TIAM2: variants seen among roughly 807,000 people sequenced by gnomAD.
The protein encoded by TIAM2 is TIAM Rac1 associated GEF 2.
Under a neutral mutation model 152.9 loss-of-function variants are expected in TIAM2, and 80 were observed. The ratio of observed to expected loss-of-function variants is 0.52; its 90% CI spans 0.44 to 0.63. The LOEUF (loss-of-function observed/expected upper bound fraction) is 0.63. TIAM2 is among the 30% of genes least tolerant of loss of function. The pLI, the probability that TIAM2 is intolerant of heterozygous loss-of-function variation, is 0.00. For missense variants in TIAM2, 1,965 were observed against 2,120.1 expected, an observed-to-expected ratio of 0.93 and a Z score of 1.44; for synonymous variants, 804 against 838.0, an observed-to-expected ratio of 0.96 and a Z score of 0.70.
intron 1 of TIAM2, among the ~76,000 whole-genome samples, chr6:155,050,859 T>C (rs1013861696): frequency 6.6e-6 from 1 of 152,256 alleles, no homozygotes; most frequent in African/African-American, 2.4e-5. Flanking sequence ...CTAGTCAGTC[T>C]TGCTGCCTGG....
chr6:155,256,289 C>G (rs1437620958), intron 26 of TIAM2, 195 bp from the exon 27 acceptor site: 1 of 759,264 alleles, frequency 1.3e-6, no homozygotes, highest in East Asian at 2.7e-5. Context: ...GCCTAACTTA[C>G]AACTGTAAAC....
chr6:155,110,758 T>A (rs1375087284), intron 2 of TIAM2, among the ~76,000 whole-genome samples: 1 of 152,176 alleles, frequency 6.6e-6, no homozygotes, highest in Non-Finnish European at 1.5e-5. Context: ...GTAAGGCACT[T>A]TTGGAAAAGT....
intron 2 of TIAM2, among the ~76,000 whole-genome samples, chr6:155,123,826 C>G (rs554046736): frequency 6.6e-6 from 1 of 152,174 alleles, no homozygotes; most frequent in Non-Finnish European, 1.5e-5. Flanking sequence ...AGTGTCTTCG[C>G]TGGACCTTGG....
At chr6:155,251,856 G>C (rs937772289) in intron 22 of TIAM2, 89 bp from the exon 23 acceptor site, 2 of 1,007,516 alleles carry the variant, frequency 2.0e-6, no homozygotes, top group African/African-American at 3.3e-5. Flanking sequence ...CGTTTGGAGA[G>C]TGTTACTCTG....
intron 6 of TIAM2, among the ~76,000 whole-genome samples, chr6:155,145,548 T>C (rs1162165554): frequency 6.6e-6 from 1 of 152,166 alleles, no homozygotes; most frequent in Admixed American, 6.6e-5. Context: ...GTGATTAATA[T>C]TAATTCAGAA....
At chr6:155,253,926 A>C in intron 24 of TIAM2, 47 bp from the exon 25 acceptor site, 2 of 1,506,596 alleles carry the variant, frequency 1.3e-6, no homozygotes, top group Non-Finnish European at 1.8e-6. Flanking sequence ...TAACCACAGC[A>C]TTTTGGGCAA....
chr6:155,043,824 AC>A (rs1394095058), intron 1 of TIAM2, among the ~76,000 whole-genome samples: 1 of 151,926 alleles, frequency 6.6e-6, no homozygotes, highest in Non-Finnish European at 1.5e-5. Context: ...CTACTTAGTT[AC>A]AAGCGGGGAC....
chr6:155,095,669 G>A (rs1294236215), intron 2 of TIAM2, among the ~76,000 whole-genome samples: 1 of 152,136 alleles, frequency 6.6e-6, no homozygotes, highest in East Asian at 1.9e-4. Context: ...GGAAGGTTGG[G>A]CTAGATAGAT....
At chr6:155,100,340 C>T (rs938205946) in intron 2 of TIAM2, among the ~76,000 whole-genome samples, 15 of 152,250 alleles carry the variant, frequency 9.9e-5, no homozygotes, top group African/African-American at 3.6e-4. Flanking sequence ...TTGAAGATGC[C>T]GGCTTGGAAT....
At position 155,182,285 on chromosome 6, in the gene TIAM2, G is replaced by A. The variant is rs1192775905; in HGVS notation, c.2767G>A (p.Asp923Asn). ...GCATCTCAGCCGGATATTTATAAGC[G>A]ACGTTCTTCCCGATGGCCTGGCGTA... ...RQHLSRIFISDVLPDGLAYGE... is the reference protein window; with the variant it reads ...RQHLSRIFISNVLPDGLAYGE... Residue 923 changes from aspartate (D) to asparagine (N), a missense_variant, in exon 13 of 27, where the codon GAC (aspartate) becomes AAC (asparagine). Around this residue, in one of 3 missense-constraint regions of TIAM2, gnomAD observed 935 missense variants for 980.0 expected, o/e 0.95. Coordinates refer to ENST00000682666, the MANE Select transcript of TIAM2 (RefSeq NM_012454.4). 3.7e-6 allele frequency: 6 copies of A among 1,614,152 alleles called. No individual in the cohort carries two copies. The highest frequency in any genetic ancestry group is 2.2e-5 in the South Asian group (2 of 91,084).
At chr6:155,006,708 A>G (rs1269482756) in intron 1 of TIAM2, among the ~76,000 whole-genome samples, 17 of 151,350 alleles carry the variant, frequency 1.1e-4, no homozygotes, top group African/African-American at 3.4e-4. Flanking sequence ...GAAAAAAAAA[A>G]GACACAGTGT....
intron 7 of TIAM2, among the ~76,000 whole-genome samples, chr6:155,153,096 C>T (rs1780013157): frequency 6.6e-6 from 1 of 152,074 alleles, no homozygotes; most frequent in Non-Finnish European, 1.5e-5. Flanking sequence ...CATTCTTTGA[C>T]AGAATCATCA....
chr6:155,139,710 C>T (rs1461423254), intron 5 of TIAM2, among the ~76,000 whole-genome samples: 14 of 152,090 alleles, frequency 9.2e-5, no homozygotes, highest in Non-Finnish European at 1.5e-4. Flanking sequence ...GAGGCCGAGG[C>T]GGGTGGATCT....
intron 1 of TIAM2, among the ~76,000 whole-genome samples, chr6:155,083,375 G>T (rs1462580430): frequency 3.3e-5 from 5 of 150,480 alleles, no homozygotes; most frequent in Non-Finnish European, 7.4e-5. Flanking sequence ...AAAAGAGAGA[G>T]AGAGAGAGAG....
At chr6:155,216,018 A>G (rs1781850113) in intron 15 of TIAM2, among the ~76,000 whole-genome samples, 1 of 152,104 alleles carries the variant, frequency 6.6e-6, no homozygotes, top group African/African-American at 2.4e-5. Flanking sequence ...TGTGTTGCCC[A>G]GTCTGGTCTC....
chr6:155,191,291 G>A (rs565225816), intron 14 of TIAM2, among the ~76,000 whole-genome samples: 6 of 152,278 alleles, frequency 3.9e-5, no homozygotes, highest in African/African-American at 1.4e-4. Flanking sequence ...TTTTCCAAGT[G>A]TAAAATGGTC....
At chr6:155,099,630 G>A (rs1025453215) in intron 2 of TIAM2, among the ~76,000 whole-genome samples, 2 of 152,184 alleles carry the variant, frequency 1.3e-5, no homozygotes, top group African/African-American at 4.8e-5. Context: ...TCATAACAGT[G>A]TTGTGAGGTG....
intron 2 of TIAM2, among the ~76,000 whole-genome samples, chr6:155,098,726 A>G (rs1436537198): frequency 6.6e-6 from 1 of 152,196 alleles, no homozygotes; most frequent in East Asian, 1.9e-4. Flanking sequence ...TTCCAGTACT[A>G]TGTTGAATAA....
At chr6:155,136,246 T>G (rs187850283) in intron 4 of TIAM2, among the ~76,000 whole-genome samples, 2 of 151,458 alleles carry the variant, frequency 1.3e-5, no homozygotes, top group African/African-American at 4.8e-5. Context: ...GCCAGTACCC[T>G]TCATAGATAA....
Sources: gnomAD v4.1 joint callset for allele counts (sites outside exome capture counted in the v4.1 genomes callset) on GRCh38, gnomAD v4.1.1 for gene constraint, gnomAD v4.1.1 regional missense constraint, MANE v1.5 for transcripts, NCBI Gene and HGNC (gene_info 2026-07-23, HGNC 2026-07-21) for gene names.